PALLD: variants seen among roughly 807,000 people sequenced by gnomAD.
PALLD encodes palladin, cytoskeletal associated protein.
A neutral mutation model predicts 123.5 loss-of-function variants in PALLD; 61 were observed. That is an observed-to-expected ratio of 0.49 (90% CI 0.40 to 0.61). The LOEUF is 0.61. Ranked by LOEUF, PALLD falls within the 20% of genes least tolerant of loss-of-function variation. The pLI, the probability that PALLD is intolerant of heterozygous loss-of-function variation, is 0.00. For synonymous variants in PALLD, 465 were observed against 496.4 expected, an observed-to-expected ratio of 0.94 and a Z score of 0.84; for missense variants, 1,273 against 1,377.0, an observed-to-expected ratio of 0.92 and a Z score of 1.20.
intron 10 of PALLD, among the ~76,000 whole-genome samples, chr4:168,830,231 CAAAAAAAA>C (rs1156711141): frequency 4.1e-5 from 3 of 73,238 alleles, no homozygotes; most frequent in Non-Finnish European, 8.1e-5. Context: ...GACTTTGTCT[CAAAAAAAA>C]AAAAAAAAAA....
chr4:168,725,414 A>G (rs368819116), intron 10 of PALLD, among the ~76,000 whole-genome samples: 1 of 151,410 alleles, frequency 6.6e-6, no homozygotes, highest in South Asian at 2.1e-4. Context: ...GGTTTCGGGG[A>G]TGTATCATTA....
chr4:168,898,315 A>G (rs1278114876), intron 13 of PALLD, 178 bp from the exon 14 acceptor site: 3 of 641,776 alleles, frequency 4.7e-6, no homozygotes, highest in African/African-American at 3.6e-5. Context: ...GAAATACCAC[A>G]TAAACTCACT....
intron 10 of PALLD, among the ~76,000 whole-genome samples, chr4:168,847,457 A>G (rs1747036835): frequency 6.6e-6 from 1 of 152,216 alleles, no homozygotes; most frequent in South Asian, 2.1e-4. Context: ...AAATGTGCAT[A>G]TGCTTCATCC....
chr4:168,576,956 T>C (rs992894372), intron 2 of PALLD, among the ~76,000 whole-genome samples: 1 of 152,034 alleles, frequency 6.6e-6, no homozygotes, highest in South Asian at 2.1e-4. Context: ...GTGGAGAAAT[T>C]GGCAGCATTT....
chr4:168,874,994 ACACT>A (rs1751548810), intron 10 of PALLD, among the ~76,000 whole-genome samples: 1 of 152,134 alleles, frequency 6.6e-6, no homozygotes, highest in South Asian at 2.1e-4. Flanking sequence ...TAAACACATG[ACACT>A]CAAAGTACAT....
At chr4:168,730,255 T>G (rs1013043724) in intron 10 of PALLD, among the ~76,000 whole-genome samples, 21 of 152,184 alleles carry the variant, frequency 1.4e-4, no homozygotes, top group African/African-American at 5.1e-4. Context: ...CTTCCAGACC[T>G]TCTGCTGAAT....
chr4:168,598,986 T>C (rs915631312), intron 2 of PALLD, among the ~76,000 whole-genome samples: 28 of 152,186 alleles, frequency 1.8e-4, no homozygotes, highest in Non-Finnish European at 1.5e-4. Flanking sequence ...TATGTCAACA[T>C]CAAGGGTCTG....
At chr4:168,631,466 G>C (rs966540249) in intron 2 of PALLD, 1 of 366,680 alleles carries the variant, frequency 2.7e-6, no homozygotes, top group African/African-American at 2.2e-5. Flanking sequence ...CAACGCAAAA[G>C]CCGTCCTAAG....
chr4:168,895,469 G>A (rs563165352), intron 12 of PALLD, among the ~76,000 whole-genome samples: 1 of 152,334 alleles, frequency 6.6e-6, no homozygotes, highest in South Asian at 2.1e-4. Flanking sequence ...AAGCCTTACT[G>A]ATAACAAAGA....
At chr4:168,638,796 C>T (rs1296661298) in intron 2 of PALLD, among the ~76,000 whole-genome samples, 1 of 148,866 alleles carries the variant, frequency 6.7e-6, no homozygotes, top group Non-Finnish European at 1.5e-5. Flanking sequence ...CAGAAGGCCC[C>T]ACTTCCTAAA....
At chr4:168,597,153 A>G (rs1293882675) in intron 2 of PALLD, among the ~76,000 whole-genome samples, 2 of 152,104 alleles carry the variant, frequency 1.3e-5, no homozygotes, top group African/African-American at 4.8e-5. Context: ...AATGAAAGGG[A>G]TTTCTATATA....
intron 11 of PALLD, among the ~76,000 whole-genome samples, chr4:168,893,045 G>A (rs972067408): frequency 1.3e-5 from 2 of 152,028 alleles, no homozygotes; most frequent in African/African-American, 4.8e-5. Flanking sequence ...ATGGCATAGT[G>A]ACTTAGAAAA....
intron 10 of PALLD, among the ~76,000 whole-genome samples, chr4:168,713,021 A>T (rs748499964): frequency 6.6e-6 from 1 of 152,254 alleles, no homozygotes; most frequent in Non-Finnish European, 1.5e-5. Context: ...TAACAAAAGC[A>T]GTCAAAAGAA....
intron 10 of PALLD, among the ~76,000 whole-genome samples, chr4:168,788,222 C>T (rs1396390757): frequency 8.4e-6 from 1 of 119,220 alleles, no homozygotes; most frequent in Middle Eastern, 3.8e-3. Flanking sequence ...AAGTTCCTTA[C>T]AAGTACTTTG....
chr4:168,566,814 A>G (rs752710954), intron 2 of PALLD, among the ~76,000 whole-genome samples: 3 of 152,240 alleles, frequency 2.0e-5, no homozygotes, highest in Non-Finnish European at 4.4e-5. Flanking sequence ...ATATTAATAT[A>G]AACATTGGGC....
intron 10 of PALLD, among the ~76,000 whole-genome samples, chr4:168,819,214 A>T (rs1428916132): frequency 6.6e-6 from 1 of 152,250 alleles, no homozygotes; most frequent in Non-Finnish European, 1.5e-5. Flanking sequence ...ATTTAAAAAT[A>T]GCAAAGCTAG....
intron 9 of PALLD, among the ~76,000 whole-genome samples, chr4:168,709,949 G>T (rs1784676675): frequency 6.6e-6 from 1 of 152,108 alleles, no homozygotes; most frequent in African/African-American, 2.4e-5. Context: ...TGCATCAGAG[G>T]TGCAGTCACT....
chr4:168,898,314 C>G, intron 13 of PALLD, 179 bp from the exon 14 acceptor site: 1 of 640,040 alleles, frequency 1.6e-6, no homozygotes, highest in South Asian at 1.8e-5. Context: ...TGAAATACCA[C>G]ATAAACTCAC....
chr4:168,747,733 C>G (rs79595817), intron 10 of PALLD, among the ~76,000 whole-genome samples: 4,374 of 152,220 alleles, frequency 0.029, 224 homozygotes, highest in African/African-American at 0.099. Flanking sequence ...AAGCAACTTT[C>G]CCAACCAAAA....
Sources: gnomAD v4.1 joint callset for allele counts (sites outside exome capture counted in the v4.1 genomes callset) on GRCh38, gnomAD v4.1.1 for gene constraint, MANE v1.5 for transcripts, NCBI Gene and HGNC (gene_info 2026-07-23, HGNC 2026-07-21) for gene names.